TBC1D1: variants seen among roughly 807,000 people sequenced by gnomAD.
TBC1D1 encodes the protein TBC1 (tre-2/USP6, BUB2, cdc16) domain family, member 1.
A neutral mutation model predicts 125.6 loss-of-function variants in TBC1D1; 89 were observed. The ratio of observed to expected loss-of-function variants is 0.71; its 90% CI spans 0.60 to 0.85. TBC1D1 has a LOEUF of 0.85. Among genes scored for constraint, TBC1D1 ranks in the 40% least tolerant of loss-of-function variants. The probability of loss-of-function intolerance (pLI) is 0.00; values close to 1 mark genes in which losing one functional copy is unlikely to be tolerated. For synonymous variants in TBC1D1, 565 were observed against 564.1 expected (o/e 1.00, Z -0.02); for missense variants, 1,377 against 1,469.2 (o/e 0.94, Z 1.03).
At chr4:38,007,141 G>A (rs1740455638) in intron 2 of TBC1D1, 1 of 213,502 alleles carries the variant, frequency 4.7e-6, no homozygotes, top group African/African-American at 2.3e-5. Flanking sequence ...CCCTGGACTT[G>A]ACTTTCCTCA....
chr4:37,954,390 TAAAA>T (rs60350507), intron 2 of TBC1D1, among the ~76,000 whole-genome samples: 296 of 148,064 alleles, frequency 2.0e-3, no homozygotes, highest in South Asian at 3.6e-3. Context: ...ATTCATTCAG[TAAAA>T]AAAAAAAAAA....
At chr4:38,037,737 C>T (rs1747491387) in intron 8 of TBC1D1, among the ~76,000 whole-genome samples, 1 of 152,222 alleles carries the variant, frequency 6.6e-6, no homozygotes, top group Non-Finnish European at 1.5e-5. Context: ...GTGAGCGCTT[C>T]TCTCAGTGCT....
intron 12 of TBC1D1, among the ~76,000 whole-genome samples, chr4:38,062,446 C>T (rs988834797): frequency 4.6e-5 from 7 of 152,110 alleles, no homozygotes; most frequent in African/African-American, 1.7e-4. Context: ...CTTCAGTTGG[C>T]AGAGACGTGG....
At chr4:38,105,601 AC>A (rs371189741) in intron 15 of TBC1D1, among the ~76,000 whole-genome samples, 36 of 150,916 alleles carry the variant, frequency 2.4e-4, no homozygotes, top group African/African-American at 8.8e-4. Flanking sequence ...CTCCCTCTCC[AC>A]CCCCCAGGAG....
At position 37,959,836 on chromosome 4, in the gene TBC1D1, C is replaced by T. The variant is rs187292415; in HGVS notation, c.418-54673C>T. ...CCCAAGCAAGCACCATTAGTAGTCA[C>T]GTTGCTCAGAGAGGGCCTCTCGGCT... On this transcript the variant is annotated intron_variant, in intron 2 of 19. Coordinates refer to ENST00000261439, the MANE Select transcript of TBC1D1 (RefSeq NM_015173.4). Among the ~76,000 whole-genome samples the T allele has an allele frequency of 3.3e-5, 5 of 152,220 alleles. 1 individual carries two copies. In the East Asian group the frequency reaches 5.8e-4, roughly 18 times the overall value.
chr4:37,962,516 G>A lies in TBC1D1; in HGVS notation c.418-51993G>A, dbSNP rs535189789. On this transcript the variant is annotated intron_variant, in intron 2 of 19. Transcript: ENST00000261439. ...ATAGCTGTTGATAGAGACACTAAACGTTTAAATTTCTAAATGTTTACTGCC... is the reference window on the plus strand; with the variant it reads ...ATAGCTGTTGATAGAGACACTAAACATTTAAATTTCTAAATGTTTACTGCC... Among the ~76,000 whole-genome samples the A allele has an allele frequency of 1.1e-4, 17 of 152,248 alleles. No individual in the cohort carries two copies. The East Asian group carries it at 1.2e-3, about 10-fold the overall frequency.
At chr4:38,025,625 C>G (rs1744923702) in intron 6 of TBC1D1, among the ~76,000 whole-genome samples, 1 of 152,200 alleles carries the variant, frequency 6.6e-6, no homozygotes, top group Non-Finnish European at 1.5e-5. Flanking sequence ...GGGGTTTATT[C>G]TCCACATCTG....
chr4:37,915,574 G>C (rs1719557001), intron 2 of TBC1D1, among the ~76,000 whole-genome samples: 1 of 152,078 alleles, frequency 6.6e-6, no homozygotes, highest in Non-Finnish European at 1.5e-5. Flanking sequence ...TTTAACATTG[G>C]GGAGGGCTGT....
At chr4:38,093,769 G>A (rs1758857481) in intron 13 of TBC1D1, among the ~76,000 whole-genome samples, 1 of 152,060 alleles carries the variant, frequency 6.6e-6, no homozygotes, top group Non-Finnish European at 1.5e-5. Context: ...CTGACCTCAG[G>A]TAATCCTCCC....
intron 7 of TBC1D1, among the ~76,000 whole-genome samples, chr4:38,031,025 G>A (rs373837559): frequency 6.2e-4 from 95 of 152,310 alleles, no homozygotes; most frequent in African/African-American, 1.8e-3. Context: ...ACACTGCAAA[G>A]CCATATTTTT....
intron 2 of TBC1D1, among the ~76,000 whole-genome samples, chr4:37,984,992 AC>A (rs1735142032): frequency 6.6e-6 from 1 of 151,720 alleles, no homozygotes; most frequent in South Asian, 2.1e-4. Context: ...TTGCTCTGTC[AC>A]CCAGGCTGGA....
intron 10 of TBC1D1, among the ~76,000 whole-genome samples, chr4:38,048,438 C>T (rs1006388780): frequency 6.6e-6 from 1 of 152,052 alleles, no homozygotes; most frequent in African/African-American, 2.4e-5. Flanking sequence ...GAATGAAAAA[C>T]TTCAGTTATG....
At position 38,021,638 on chromosome 4, in the gene TBC1D1, A is replaced by G; in HGVS notation, c.1130A>G (p.Gln377Arg). 6.3e-7 allele frequency: 1 copy of G among 1,596,776 alleles called. No homozygotes were observed. The highest frequency in any genetic ancestry group is 8.5e-7 in the Non-Finnish European group (1 of 1,172,456). The stretch of plus-strand genomic sequence containing the variant: ...CAGGCCTTCACGGTGGCCGCAGTGC[A>G]GCAGACAGCTAAGGCGCCAGCCCAG... Residue 377 changes from glutamine (Q) to arginine (R), a missense_variant, in exon 6 of 20, where the codon CAG (glutamine) becomes CGG (arginine). By Grantham distance (43) the Gln-to-Arg change is conservative. Coordinates refer to ENST00000261439, the MANE Select transcript of TBC1D1 (RefSeq NM_015173.4).
chr4:37,937,819 G>A (rs559824950), intron 2 of TBC1D1, among the ~76,000 whole-genome samples: 4 of 152,254 alleles, frequency 2.6e-5, no homozygotes, highest in African/African-American at 9.6e-5. Context: ...GGTTCCTAAC[G>A]CTCAGGAGGG....
intron 12 of TBC1D1, among the ~76,000 whole-genome samples, chr4:38,087,839 C>T (rs1419605858): frequency 1.7e-5 from 2 of 120,770 alleles, no homozygotes; most frequent in African/African-American, 7.0e-5. Flanking sequence ...GAATGAGATT[C>T]CGTCTCAAAA....
intron 18 of TBC1D1, among the ~76,000 whole-genome samples, chr4:38,125,742 A>T (rs1764533372): frequency 6.6e-6 from 1 of 152,176 alleles, no homozygotes; most frequent in South Asian, 2.1e-4. Flanking sequence ...ACTAAACTAG[A>T]TGGTGAATGC....
intron 6 of TBC1D1, among the ~76,000 whole-genome samples, chr4:38,025,702 A>T (rs1239035539): frequency 1.3e-5 from 2 of 152,118 alleles, no homozygotes; most frequent in African/African-American, 4.8e-5. Context: ...TGTCCTTCAT[A>T]TGTGGGGGGG....
chr4:37,933,501 G>A (rs764498146), intron 2 of TBC1D1, among the ~76,000 whole-genome samples: 1 of 151,686 alleles, frequency 6.6e-6, no homozygotes, highest in Non-Finnish European at 1.5e-5. Context: ...AAAGGCTCTG[G>A]AGTCAGGCGG....
intron 12 of TBC1D1, among the ~76,000 whole-genome samples, chr4:38,086,353 A>C (rs1052358652): frequency 6.6e-6 from 1 of 152,198 alleles, no homozygotes; most frequent in Admixed American, 6.5e-5. Flanking sequence ...GATGGTGGGC[A>C]GATGCTACTA....
Sources: allele counts gnomAD v4.1 joint callset (sites outside exome capture counted in the v4.1 genomes callset), GRCh38; gene constraint gnomAD v4.1.1; transcripts MANE v1.5; gene names NCBI Gene and HGNC (gene_info 2026-07-23, HGNC 2026-07-21).